The following CACHD1 variants were observed in gnomAD, a reference collection of about 807,000 sequenced individuals.
CACHD1 encodes the protein cache domain containing 1, also known as VWFA and cache domain-containing protein 1.
In CACHD1, 71 loss-of-function variants were observed where a neutral mutation model predicts 138.7. That is an observed-to-expected ratio of 0.51 (90% CI 0.42 to 0.62). CACHD1 has a LOEUF of 0.62. Ranked by LOEUF, CACHD1 falls within the 20% of genes least tolerant of loss-of-function variation. The probability of loss-of-function intolerance (pLI) is 0.00; values close to 1 mark genes in which losing one functional copy is unlikely to be tolerated. For synonymous variants in CACHD1, 578 were observed against 591.5 expected (o/e 0.98, Z 0.33); for missense variants, 1,389 against 1,625.3 (o/e 0.85, Z 2.50).
intron 2 of CACHD1, among the ~76,000 whole-genome samples, chr1:64,558,954 C>G (rs1646818590): frequency 6.6e-6 from 1 of 152,202 alleles, no homozygotes; most frequent in East Asian, 1.9e-4. Context: ...GATACCATCT[C>G]ACACCAGTCA....
intron 26 of CACHD1, among the ~76,000 whole-genome samples, chr1:64,689,239 C>G (rs991896846): frequency 4.6e-5 from 7 of 152,232 alleles, no homozygotes; most frequent in African/African-American, 1.7e-4. Context: ...GGCTAGACAT[C>G]TCCACATATG....
At chr1:64,528,134 G>A (rs1256999686) in intron 1 of CACHD1, among the ~76,000 whole-genome samples, 1 of 152,148 alleles carries the variant, frequency 6.6e-6, no homozygotes, top group Non-Finnish European at 1.5e-5. Context: ...CAAATCTCTT[G>A]CATGGTCTAA....
chr1:64,528,225 A>G (rs1002488301), intron 1 of CACHD1, among the ~76,000 whole-genome samples: 14 of 152,228 alleles, frequency 9.2e-5, no homozygotes, highest in Non-Finnish European at 1.8e-4. Context: ...TTCTGAAAGG[A>G]GGTCCAGCTA....
chr1:64,650,504 C>G (rs781442300), intron 9 of CACHD1, among the ~76,000 whole-genome samples: 7 of 152,206 alleles, frequency 4.6e-5, no homozygotes, highest in Admixed American at 2.0e-4. Flanking sequence ...AAACAGATAG[C>G]ATTCTAAATG....
intron 3 of CACHD1, among the ~76,000 whole-genome samples, chr1:64,591,490 G>A (rs1647105870): frequency 6.6e-6 from 1 of 152,128 alleles, no homozygotes; most frequent in African/African-American, 2.4e-5. Context: ...TGTTCAGTAG[G>A]GTTTAGGCTC....
intron 1 of CACHD1, among the ~76,000 whole-genome samples, chr1:64,542,988 A>AAC (rs111903627): frequency 0.073 from 10,806 of 147,912 alleles, 510 homozygotes; most frequent in African/African-American, 0.14. Flanking sequence ...CACACACATC[A>AAC]ACACACACAC....
chr1:64,470,826 T>C lies in CACHD1; in HGVS notation c.82T>C (p.Cys28Arg). 6.6e-7 allele frequency: 1 copy of C among 1,519,292 alleles called. No individual in the cohort carries two copies. Among genetic ancestry groups the C allele is most frequent in the Non-Finnish European group, 8.9e-7 (1 of 1,119,942 alleles). The allele number at this position is 1,519,292 out of a possible 1,614,324, so 94.1% of individuals were successfully genotyped here. A position where few individuals can be genotyped will look rare whatever the true frequency, so the allele number is the denominator to read the frequency against. The change falls in exon 1 of 27, where the codon TGC becomes CGC. Residue 28 changes from cysteine to arginine, a missense_variant. By Grantham distance (180) the Cys-to-Arg change is radical (BLOSUM62 -3). This residue lies in a region of CACHD1 where 1,000 missense variants were observed against 1,114.7 expected (regional missense o/e 0.90). Transcript: ENST00000651257. This position sits in a 1 kb window ranked among gnomAD's most constrained non-coding sequence, Gnocchi z 5.2. Reference protein sequence around the residue: ...PPLWLLCLVACWLLGAGAEAD... With the variant: ...PPLWLLCLVARWLLGAGAEAD... Reference sequence around the variant, plus strand: ...CCTCTGGCTGCTCTGCCTGGTCGCGTGCTGGCTCCTGGGCGCCGGGGCCGA... The same window carrying C: ...CCTCTGGCTGCTCTGCCTGGTCGCGCGCTGGCTCCTGGGCGCCGGGGCCGA...
chr1:64,571,925 C>T (rs1044095611), intron 2 of CACHD1, among the ~76,000 whole-genome samples: 4 of 152,144 alleles, frequency 2.6e-5, no homozygotes, highest in African/African-American at 7.2e-5. Flanking sequence ...CTATCCATCC[C>T]CATTGTCTAG....
At chr1:64,563,742 A>G (rs529270047) in intron 2 of CACHD1, 4 of 152,222 alleles carry the variant, frequency 2.6e-5, no homozygotes, top group Non-Finnish European at 5.9e-5. Flanking sequence ...GGACAGCCTC[A>G]GTAAGGGTAG....
intron 17 of CACHD1, among the ~76,000 whole-genome samples, chr1:64,672,253 T>TA (rs985631491): frequency 7.6e-4 from 115 of 152,284 alleles, no homozygotes; most frequent in African/African-American, 2.7e-3. Flanking sequence ...CATTGGCCCT[T>TA]ATGGGGAAAT....
At chr1:64,507,063 G>A (rs954056589) in intron 1 of CACHD1, among the ~76,000 whole-genome samples, 13 of 152,136 alleles carry the variant, frequency 8.5e-5, no homozygotes, top group African/African-American at 3.1e-4. Context: ...ATATTTTGAG[G>A]TCCCAAGGAA....
chr1:64,668,326 CAA>C lies in CACHD1; in HGVS notation c.2387+2173_2387+2174del, dbSNP rs531925361. On this transcript the variant is annotated intron_variant, in intron 16 of 26. Coordinates refer to ENST00000651257, the MANE Select transcript of CACHD1 (RefSeq NM_020925.4). ...TGGGCGACAGAGCAAGACTGCATCTCAAAAAAAAAAAAAAAGAAAAAGAAAAA... is the reference window on the plus strand; with the variant it reads ...TGGGCGACAGAGCAAGACTGCATCTCAAAAAAAAAAAAAGAAAAAGAAAAA... Among the ~76,000 whole-genome samples, 28 of 87,608 alleles carry C rather than the reference CAA, an allele frequency of 3.2e-4. 1 individual carries two copies. Among genetic ancestry groups the C allele is most frequent in the East Asian group, 6.6e-4 (2 of 3,048 alleles). The allele number at this position is 87,608 out of a possible 152,430, so 57.5% of individuals were successfully genotyped here. A position where few individuals can be genotyped will look rare whatever the true frequency, so the allele number is the denominator to read the frequency against.
rs1646137660 is a variant in CACHD1 at position 64,470,674 on chromosome 1, T to TGCGGGGGGCACCTCCC, written c.-66_-51dup. ...ACTTTTGCGGGGTGCGCCGCGCTTT[T>TGCGGGGGGCACCTCCC]GCGGGGGGCACCTCCCGCGGCCCGC... On this transcript the variant is annotated 5_prime_UTR_variant, in exon 1 of 27. Transcript: ENST00000651257. The surrounding 1 kb of genome is among the most constrained non-coding windows in gnomAD (Gnocchi z 5.2). The TGCGGGGGGCACCTCCC allele has an allele frequency of 8.7e-6, 4 of 458,368 alleles. No homozygotes were observed. The highest frequency in any genetic ancestry group is 1.5e-5 in the Non-Finnish European group (4 of 262,990). 28.4% of individuals were successfully genotyped at this position (458,368 alleles called of 1,614,324 possible). A position where few individuals can be genotyped will look rare whatever the true frequency, so the allele number is the denominator to read the frequency against.
chr1:64,537,068 C>T (rs747742082), intron 1 of CACHD1, among the ~76,000 whole-genome samples: 25 of 152,132 alleles, frequency 1.6e-4, no homozygotes, highest in South Asian at 6.2e-4. Flanking sequence ...AGTCCTGTTG[C>T]CCTCTGTGAG....
rs780167224 is a variant in CACHD1 at position 64,470,955 on chromosome 1, C to T, written c.198+13C>T. 3 of 1,586,118 alleles carry T rather than the reference C, an allele frequency of 1.9e-6. No individual in the cohort carries two copies. Among genetic ancestry groups the T allele is most frequent in the African/African-American group, 1.3e-5 (1 of 74,254 alleles). On this transcript the variant is annotated intron_variant, in intron 1 of 26. Coordinates refer to ENST00000651257, the MANE Select transcript of CACHD1 (RefSeq NM_020925.4). This position sits in a 1 kb window ranked among gnomAD's most constrained non-coding sequence, Gnocchi z 5.2. ...CGTCACCATGCAGGTAAGTGGCCCC[C>T]GAGCTGGCCAGACATCCCGCCTTTC...
At chr1:64,649,051 T>A (rs777846628) in intron 9 of CACHD1, among the ~76,000 whole-genome samples, 3 of 152,190 alleles carry the variant, frequency 2.0e-5, no homozygotes, top group Non-Finnish European at 4.4e-5. Context: ...ATATTATATT[T>A]ATGTTTTGTT....
intron 8 of CACHD1, among the ~76,000 whole-genome samples, chr1:64,642,565 T>G (rs575443082): frequency 2.3e-4 from 35 of 152,292 alleles, no homozygotes; most frequent in African/African-American, 7.2e-4. Flanking sequence ...TTTAGTAAAT[T>G]GGTAAATTCA....
At chr1:64,630,776 A>G (rs562711606) in intron 5 of CACHD1, among the ~76,000 whole-genome samples, 2 of 152,300 alleles carry the variant, frequency 1.3e-5, no homozygotes, top group East Asian at 3.9e-4. Flanking sequence ...GCTGATTTTA[A>G]CGAAGCACCT....
chr1:64,656,128 C>G (rs1649254109), intron 12 of CACHD1, among the ~76,000 whole-genome samples: 1 of 152,162 alleles, frequency 6.6e-6, no homozygotes, highest in African/African-American at 2.4e-5. Context: ...CTCTTCCAAC[C>G]TTCTTGTTTG....
Sources: gnomAD v4.1 joint callset for allele counts (sites outside exome capture counted in the v4.1 genomes callset) on GRCh38, gnomAD v4.1.1 for gene constraint, gnomAD v4.1.1 regional missense constraint, Gnocchi (gnomAD v3.1) non-coding constraint, MANE v1.5 for transcripts, NCBI Gene and HGNC (gene_info 2026-07-23, HGNC 2026-07-21) for gene names.